Variants in UBQLN4 observed in about 807,000 individuals in gnomAD.
UBQLN4 encodes ubiquilin-4.
Under a neutral mutation model 60.4 loss-of-function variants are expected in UBQLN4, and 11 were observed. That is an observed-to-expected ratio of 0.18 (90% CI 0.11 to 0.30). UBQLN4 has a LOEUF of 0.30. Among genes scored for constraint, UBQLN4 ranks in the 10% least tolerant of loss-of-function variants. The pLI, the probability that UBQLN4 is intolerant of heterozygous loss-of-function variation, is 1.00. For synonymous variants in UBQLN4, 258 were observed against 313.1 expected, an observed-to-expected ratio of 0.82 and a Z score of 1.86; for missense variants, 417 against 795.5, an observed-to-expected ratio of 0.52 and a Z score of 5.72.
downstream of UBQLN4, among the ~76,000 whole-genome samples, chr1:156,031,731 A>C (rs1286207767): frequency 6.6e-6 from 1 of 151,938 alleles, no homozygotes; most frequent in Non-Finnish European, 1.5e-5. Context: ...AGCGCATGCC[A>C]CCAGGCCTGG....
Position 156,053,691 on chromosome 1 carries a change from G to T in UBQLN4, c.11C>A (p.Pro4Gln). The T allele has an allele frequency of 7.7e-7, 1 of 1,292,696 alleles. No homozygotes were observed. Among genetic ancestry groups the T allele is most frequent in the Non-Finnish European group, 9.9e-7 (1 of 1,014,964 alleles). 80.1% of individuals were successfully genotyped at this position (1,292,696 alleles called of 1,614,324 possible). A position where few individuals can be genotyped will look rare whatever the true frequency, so the allele number is the denominator to read the frequency against. MAE[P>Q]SGAETRPPIR... ...GGGGGGCCTCGTCTCGGCCCCGCTC[G>T]GCTCCGCCATGCCGCCGCCGCCACC... Residue 4 changes from proline to glutamine, a missense_variant, in exon 1 of 11, where the codon CCG becomes CAG. Coordinates refer to ENST00000368309, the MANE Select transcript of UBQLN4 (RefSeq NM_020131.5).
At chr1:156,038,581 C>T (rs1000305713) in intron 10 of UBQLN4, among the ~76,000 whole-genome samples, 1 of 151,912 alleles carries the variant, frequency 6.6e-6, no homozygotes, top group African/African-American at 2.4e-5. Context: ...CGCTTGAACC[C>T]GGGAGGCGGA....
At chr1:156,042,733 ACT>A in intron 7 of UBQLN4, 39 bp downstream of exon 7, 2 of 1,599,922 alleles carry the variant, frequency 1.3e-6, no homozygotes, top group Non-Finnish European at 1.7e-6. Context: ...ACCAAGAGGA[ACT>A]CTCTCCCCAA....
At chr1:156,045,576 G>A (rs1572275843) in intron 5 of UBQLN4, among the ~76,000 whole-genome samples, 1 of 152,316 alleles carries the variant, frequency 6.6e-6, no homozygotes, top group South Asian at 2.1e-4. Context: ...TGGGACCCCT[G>A]CAAGCATTAA....
In UBQLN4 at chr1:156,053,776, C is replaced by A. The variant is rs1317627682; in HGVS notation, c.-75G>T. 1 of 915,096 alleles carries A rather than the reference C, an allele frequency of 1.1e-6. No homozygotes were observed. The highest frequency in any genetic ancestry group is 1.4e-6 in the Non-Finnish European group (1 of 697,962). 56.7% of individuals were successfully genotyped at this position (915,096 alleles called of 1,614,324 possible). A position where few individuals can be genotyped will look rare whatever the true frequency, so the allele number is the denominator to read the frequency against. The stretch of plus-strand genomic sequence containing the variant: ...CCCCGCCCGCCCGGCCGGCCCGGCT[C>A]GGCTTCTGCGCCTCCAACACTCCCC... On this transcript the variant is annotated 5_prime_UTR_variant, in exon 1 of 11. Coordinates refer to ENST00000368309, the MANE Select transcript of UBQLN4 (RefSeq NM_020131.5).
intron 1 of UBQLN4, among the ~76,000 whole-genome samples, chr1:156,053,330 G>A (rs1683930843): frequency 6.7e-6 from 1 of 150,354 alleles, no homozygotes; most frequent in South Asian, 2.1e-4. Flanking sequence ...CCCCCTTCCC[G>A]GTGCAAGGTG....
At chr1:156,033,125 C>T (rs945205971), downstream of UBQLN4, 48 of 837,342 alleles carry the variant, frequency 5.7e-5, no homozygotes, top group Non-Finnish European at 6.5e-5. Context: ...TTTGCCAATA[C>T]TTATGTAGCT....
chr1:156,048,642 C>T lies in UBQLN4; in HGVS notation c.759G>A (p.Arg253=). 1 of 1,613,958 alleles carries T rather than the reference C, an allele frequency of 6.2e-7. No homozygotes were observed. Among genetic ancestry groups the T allele is most frequent in the Non-Finnish European group, 8.5e-7 (1 of 1,179,842 alleles). The change falls in exon 5 of 11, where the codon CGG becomes CGA. Residue 253 remains arginine (R), a synonymous_variant. Coordinates refer to ENST00000368309, the MANE Select transcript of UBQLN4 (RefSeq NM_020131.5). This position sits in a 1 kb window ranked among gnomAD's most constrained non-coding sequence, Gnocchi z 4.9. ...TCATCTCTTGCATCATGGCTGGATT[C>T]CGAGCAAGCTCCATTGTCTGATCAA... The part of the protein sequence containing the change: ...ELMRQTMELA[R]NPAMMQEMMR...
downstream of UBQLN4, among the ~76,000 whole-genome samples, chr1:156,031,672 G>A (rs1046843754): frequency 1.0e-4 from 15 of 150,590 alleles, no homozygotes; most frequent in African/African-American, 2.9e-4. Context: ...TCCGCCTCCC[G>A]GGTTCAAGCA....
chr1:156,040,388 A>C (rs1683530022), intron 10 of UBQLN4, among the ~76,000 whole-genome samples: 2 of 151,924 alleles, frequency 1.3e-5, no homozygotes, highest in Non-Finnish European at 2.9e-5. Context: ...CTCAAAAAAA[A>C]AAAAAGAAAG....
chr1:156,032,397 G>A (rs1425455708), downstream of UBQLN4, among the ~76,000 whole-genome samples: 2 of 151,398 alleles, frequency 1.3e-5, no homozygotes, highest in Admixed American at 1.3e-4. Flanking sequence ...TGTAATCCCA[G>A]CTACTTGGGA....
At chr1:156,034,401 G>A (rs1404491023), downstream of UBQLN4, among the ~76,000 whole-genome samples, 6 of 150,010 alleles carry the variant, frequency 4.0e-5, no homozygotes, top group Non-Finnish European at 7.4e-5. Context: ...TGGTACCAGC[G>A]ATTCTCCTGC....
At chr1:156,053,572 C>G in intron 1 of UBQLN4, 22 bp downstream of exon 1, 2 of 1,281,710 alleles carry the variant, frequency 1.6e-6, no homozygotes, top group Non-Finnish European at 2.0e-6. Context: ...GCGCTCCCCC[C>G]GCCCCCCGCC....
rs1683407640 is a variant in UBQLN4, at chr1:156,036,500, A to G, written c.*478T>C. On this transcript the variant is annotated 3_prime_UTR_variant, in exon 11 of 11. Coordinates refer to ENST00000368309, the MANE Select transcript of UBQLN4 (RefSeq NM_020131.5). ...CACCTGTTTCACCTGCTCCTCCTTC[A>G]GAGCAAGAAATTCTAGCATTGGTTG... The G allele has an allele frequency of 3.0e-6, 3 of 986,226 alleles. No homozygotes were observed. The highest frequency in any genetic ancestry group is 1.2e-6 in the Non-Finnish European group (1 of 830,466). The allele number at this position is 986,226 out of a possible 1,614,324, so 61.1% of individuals were successfully genotyped here.
intron 6 of UBQLN4, 23 bp downstream of exon 6, chr1:156,043,975 G>A (rs1683633696): frequency 1.9e-6 from 3 of 1,612,084 alleles, no homozygotes; most frequent in Non-Finnish European, 2.5e-6. Context: ...ACCCCACTAA[G>A]CTCCTTCCAT....
At chr1:156,038,879 C>T (rs1683474455) in intron 10 of UBQLN4, among the ~76,000 whole-genome samples, 1 of 147,068 alleles carries the variant, frequency 6.8e-6, no homozygotes. Context: ...GCATGATCTG[C>T]CTCCCGGGTT....
intron 6 of UBQLN4, 59 bp downstream of exon 6, chr1:156,043,939 C>A: frequency 6.4e-7 from 1 of 1,562,760 alleles, no homozygotes; most frequent in South Asian, 1.1e-5. Context: ...CCCATTCAGT[C>A]CTGGGACAGA....
At chr1:156,041,800 G>C (rs1683574173) in intron 9 of UBQLN4, 72 bp downstream of exon 9, 1 of 1,492,864 alleles carries the variant, frequency 6.7e-7, no homozygotes, top group Non-Finnish European at 9.0e-7. Context: ...GATGCTGAGA[G>C]AGTGGCAGAG....
rs536693264 is a variant in UBQLN4 at position 156,050,682 on chromosome 1, C to G, written c.479-129G>C. On this transcript the variant is annotated intron_variant, in intron 3 of 10. Coordinates refer to ENST00000368309, the MANE Select transcript of UBQLN4 (RefSeq NM_020131.5). This position sits in a 1 kb window ranked among gnomAD's most constrained non-coding sequence, Gnocchi z 4.6. ...CATGTCCCTCTTCCTGTCATTCCCA[C>G]AGCCCGGCCCTGATCCACTGCTGGC... is the stretch of plus-strand genomic sequence containing the variant. 3 of 1,368,582 alleles carry G rather than the reference C, an allele frequency of 2.2e-6. No homozygotes were observed. The highest frequency in any genetic ancestry group is 2.9e-6 in the Non-Finnish European group (3 of 1,031,994). 84.8% of individuals were successfully genotyped at this position (1,368,582 alleles called of 1,614,324 possible).
Sources: allele counts gnomAD v4.1 joint callset (sites outside exome capture counted in the v4.1 genomes callset), GRCh38; gene constraint gnomAD v4.1.1; non-coding constraint Gnocchi (gnomAD v3.1); transcripts MANE v1.5; gene names NCBI Gene and HGNC (gene_info 2026-07-23, HGNC 2026-07-21).